CSMD1: variants seen among roughly 807,000 people sequenced by gnomAD.
CSMD1 encodes the protein CUB and Sushi multiple domains 1.
In CSMD1, 213 loss-of-function variants were observed where a neutral mutation model predicts 417.5. That is an observed-to-expected ratio of 0.51 (90% confidence interval 0.46 to 0.57). The LOEUF (loss-of-function observed/expected upper bound fraction) is 0.57. CSMD1 is among the 20% of genes least tolerant of loss of function. The pLI is 0.00. For missense variants in CSMD1, 6,923 were observed against 4,529.7 expected, an observed-to-expected ratio of 1.53 and a Z score of -15.17; for synonymous variants, 2,862 against 1,736.8, an observed-to-expected ratio of 1.65 and a Z score of -16.11.
intron 1 of CSMD1, among the ~76,000 whole-genome samples, chr8:4,790,059 T>C (rs1208504983): frequency 1.3e-5 from 2 of 152,200 alleles, no homozygotes; most frequent in Non-Finnish European, 1.5e-5. Flanking sequence ...CAGAGAATTC[T>C]AGGAGGAAAA....
chr8:3,829,509 C>A (rs962554807), intron 5 of CSMD1, among the ~76,000 whole-genome samples: 5 of 152,166 alleles, frequency 3.3e-5, no homozygotes, highest in African/African-American at 1.2e-4. Context: ...CTTTGTCCCT[C>A]TGTCCTGCAC....
intron 1 of CSMD1, among the ~76,000 whole-genome samples, chr8:4,739,464 A>G (rs772301330): frequency 6.6e-6 from 1 of 152,222 alleles, no homozygotes; most frequent in Non-Finnish European, 1.5e-5. Flanking sequence ...AATATTATCT[A>G]ATTGAATTTG....
At chr8:3,326,529 C>G (rs1806544188) in intron 23 of CSMD1, among the ~76,000 whole-genome samples, 1 of 152,182 alleles carries the variant, frequency 6.6e-6, no homozygotes, top group South Asian at 2.1e-4. Flanking sequence ...CCCCAAGTGC[C>G]TTATGTTTTA....
chr8:3,329,617 G>C (rs999684324), intron 23 of CSMD1, among the ~76,000 whole-genome samples: 1 of 152,164 alleles, frequency 6.6e-6, no homozygotes, highest in Non-Finnish European at 1.5e-5. Flanking sequence ...CCCTTCACAG[G>C]TTGGAGCTCA....
At chr8:4,628,795 C>T (rs370524182) in intron 2 of CSMD1, among the ~76,000 whole-genome samples, 3 of 152,058 alleles carry the variant, frequency 2.0e-5, no homozygotes, top group African/African-American at 4.8e-5. Flanking sequence ...GAAATCACTA[C>T]AACCTGTTAA....
intron 1 of CSMD1, among the ~76,000 whole-genome samples, chr8:4,646,610 TG>T (rs1803533367): frequency 6.6e-6 from 1 of 151,888 alleles, no homozygotes; most frequent in African/African-American, 2.4e-5. Context: ...GATATATGAG[TG>T]CCATAGTTGT....
At chr8:3,856,307 G>T (rs539322450) in intron 5 of CSMD1, among the ~76,000 whole-genome samples, 5 of 152,104 alleles carry the variant, frequency 3.3e-5, no homozygotes, top group African/African-American at 4.8e-5. Context: ...CGCCATGATT[G>T]TAAGTTTCTT....
At chr8:3,287,881 A>T (rs6988820) in intron 25 of CSMD1, among the ~76,000 whole-genome samples, 13,373 of 132,842 alleles carry the variant, frequency 0.1, 909 homozygotes, top group Non-Finnish European at 0.12. Flanking sequence ...CTCTTGTGCC[A>T]GTTTGCAAAG....
At chr8:4,130,071 G>C (rs1401079856) in intron 3 of CSMD1, among the ~76,000 whole-genome samples, 1 of 152,092 alleles carries the variant, frequency 6.6e-6, no homozygotes, top group Non-Finnish European at 1.5e-5. Flanking sequence ...CGAACCTCCT[G>C]AGTGTGTGTG....
At chr8:4,831,915 C>G (rs531050083) in intron 1 of CSMD1, among the ~76,000 whole-genome samples, 1 of 152,160 alleles carries the variant, frequency 6.6e-6, no homozygotes, top group African/African-American at 2.4e-5. Context: ...CAGACACACT[C>G]CCCTGAAAGC....
chr8:4,767,562 GC>G (rs553047457), intron 1 of CSMD1, among the ~76,000 whole-genome samples: 2 of 152,064 alleles, frequency 1.3e-5, no homozygotes, highest in Non-Finnish European at 2.9e-5. Context: ...GTGTTCTGGG[GC>G]CTCTCCTCCC....
At chr8:3,257,106 G>C (rs761839705) in intron 26 of CSMD1, among the ~76,000 whole-genome samples, 1 of 152,124 alleles carries the variant, frequency 6.6e-6, no homozygotes, top group Non-Finnish European at 1.5e-5. Context: ...TGGATCACTT[G>C]AGGTCAGGAG....
At chr8:4,667,928 C>G (rs2130938180) in intron 1 of CSMD1, among the ~76,000 whole-genome samples, 1 of 152,322 alleles carries the variant, frequency 6.6e-6, no homozygotes, top group East Asian at 1.9e-4. Context: ...TTGCCTGGTT[C>G]ACACATACGT....
chr8:3,968,075 T>A (rs1424060890), intron 5 of CSMD1, among the ~76,000 whole-genome samples: 2 of 147,512 alleles, frequency 1.4e-5, no homozygotes, highest in African/African-American at 5.1e-5. Flanking sequence ...TAGTCCCAGC[T>A]CCTCGGCAGG....
chr8:3,665,376 A>G (rs1798633297), intron 7 of CSMD1, among the ~76,000 whole-genome samples: 1 of 152,082 alleles, frequency 6.6e-6, no homozygotes, highest in Non-Finnish European at 1.5e-5. Context: ...CTAAAATACA[A>G]AAATTAGCCA....
At chr8:3,578,153 C>T (rs998431182) in intron 9 of CSMD1, among the ~76,000 whole-genome samples, 1 of 152,128 alleles carries the variant, frequency 6.6e-6, no homozygotes, top group African/African-American at 2.4e-5. Flanking sequence ...GCTTCCAGCA[C>T]CAGAAGGGTA....
At chr8:3,083,648 A>ATATATATATT (rs1563320662) in intron 49 of CSMD1, among the ~76,000 whole-genome samples, 1 of 13,566 alleles carries the variant, frequency 7.4e-5, no homozygotes, top group Non-Finnish European at 1.2e-4. Flanking sequence ...ATATATATAT[A>ATATATATATT]TTTTTTTTTT....
intron 3 of CSMD1, among the ~76,000 whole-genome samples, chr8:4,153,501 C>T (rs752808943): frequency 3.3e-5 from 5 of 152,204 alleles, no homozygotes; most frequent in Non-Finnish European, 7.3e-5. Context: ...GACATTTCTG[C>T]TCACAATTGT....
At chr8:3,110,060 T>C in intron 43 of CSMD1, 98 bp downstream of exon 43, 1 of 1,026,888 alleles carries the variant, frequency 9.7e-7, no homozygotes, top group Admixed American at 3.3e-5. Context: ...CTAAGAAGTT[T>C]ATTCTAAATA....
Sources: allele counts gnomAD v4.1 joint callset (sites outside exome capture counted in the v4.1 genomes callset), GRCh38; gene constraint gnomAD v4.1.1; transcripts MANE v1.5; gene names NCBI Gene and HGNC (gene_info 2026-07-23, HGNC 2026-07-21).